MYO6: variants seen among roughly 807,000 people sequenced by gnomAD.
MYO6 encodes myosin VI, also known as unconventional myosin-VI.
Under a neutral mutation model 178.7 loss-of-function variants are expected in MYO6, and 74 were observed. The observed-to-expected ratio is 0.41, with a 90% CI of 0.34 to 0.50. The LOEUF (loss-of-function observed/expected upper bound fraction) is 0.50. Ranked by LOEUF, MYO6 falls within the 20% of genes least tolerant of loss-of-function variation. The pLI is 0.09. For synonymous variants in MYO6, 477 were observed against 504.6 expected, an observed-to-expected ratio of 0.95 and a Z score of 0.73; for missense variants, 1,330 against 1,547.4, an observed-to-expected ratio of 0.86 and a Z score of 2.36.
At chr6:75,874,344 C>T (rs1346602324) in intron 20 of MYO6, among the ~76,000 whole-genome samples, 2 of 152,168 alleles carry the variant, frequency 1.3e-5, no homozygotes, top group Admixed American at 6.5e-5. Flanking sequence ...TTAAATTCAT[C>T]GTCATTATCT....
In MYO6 at chr6:75,750,610, T is replaced by A. The variant is rs560525043; in HGVS notation, c.-48+1187T>A. On this transcript the variant is annotated intron_variant, in intron 1 of 34. Coordinates refer to ENST00000369977, the MANE Select transcript of MYO6 (RefSeq NM_004999.4). ...AGTCAGAACTTGAGAGTTTTAAAAA[T>A]TAACTTTTTTTTTTTTGAGACAGAG... Among the ~76,000 whole-genome samples the A allele has an allele frequency of 2.5e-3, 376 of 151,376 alleles. 2 individuals are homozygous for A. The highest frequency in any genetic ancestry group is 8.6e-3 in the African/African-American group (356 of 41,258).
At chr6:75,815,747 A>G (rs1055351525) in intron 1 of MYO6, among the ~76,000 whole-genome samples, 1 of 152,232 alleles carries the variant, frequency 6.6e-6, no homozygotes, top group Non-Finnish European at 1.5e-5. Context: ...CTGTATGCCA[A>G]ACGTCCTTGA....
chr6:75,898,008 G>T (rs1189586980), intron 29 of MYO6, among the ~76,000 whole-genome samples: 1 of 152,122 alleles, frequency 6.6e-6, no homozygotes, highest in African/African-American at 2.4e-5. Flanking sequence ...AGCAACTCTG[G>T]TGCAAAAATC....
chr6:75,865,457 G>A (rs1251758689), intron 16 of MYO6: 2 of 138,236 alleles, frequency 1.4e-5, no homozygotes, highest in South Asian at 2.4e-4. Flanking sequence ...TCTGCCTCCC[G>A]GGCTCAAACC....
chr6:75,794,307 T>C (rs903572018), intron 1 of MYO6, among the ~76,000 whole-genome samples: 3 of 152,102 alleles, frequency 2.0e-5, no homozygotes, highest in African/African-American at 7.2e-5. Context: ...GCTTCCAGAC[T>C]AAACATGTTC....
At chr6:75,802,204 C>T (rs866471361) in intron 1 of MYO6, among the ~76,000 whole-genome samples, 6 of 151,970 alleles carry the variant, frequency 3.9e-5, no homozygotes, top group Admixed American at 2.0e-4. Context: ...CATGGTGGCT[C>T]GTGCCTGTAA....
At chr6:75,764,484 C>T (rs1053501843) in intron 1 of MYO6, among the ~76,000 whole-genome samples, 2 of 152,138 alleles carry the variant, frequency 1.3e-5, no homozygotes, top group African/African-American at 4.8e-5. Flanking sequence ...TGGAATTACA[C>T]TGGTATTATA....
At chr6:75,844,119 C>G (rs12210386) in intron 9 of MYO6, among the ~76,000 whole-genome samples, 7 of 151,876 alleles carry the variant, frequency 4.6e-5, no homozygotes, top group African/African-American at 1.7e-4. Context: ...TTTAGTCTAC[C>G]GTATAGCAAA....
At chr6:75,757,623 GC>G (rs1777574726) in intron 1 of MYO6, among the ~76,000 whole-genome samples, 1 of 151,878 alleles carries the variant, frequency 6.6e-6, no homozygotes, top group Non-Finnish European at 1.5e-5. Context: ...TTCCAGAGTT[GC>G]GTTTAAGCAC....
chr6:75,787,896 ACTAC>A (rs1334878330), intron 1 of MYO6, among the ~76,000 whole-genome samples: 1 of 149,780 alleles, frequency 6.7e-6, no homozygotes, highest in Non-Finnish European at 1.5e-5. Flanking sequence ...AGTAGCTGGG[ACTAC>A]AGGTATGCAC....
chr6:75,807,172 C>G (rs1364311699), intron 1 of MYO6, among the ~76,000 whole-genome samples: 7 of 152,168 alleles, frequency 4.6e-5, no homozygotes, highest in Admixed American at 3.9e-4. Context: ...TTACTTACTG[C>G]TTTGAGTGTT....
Position 75,844,006 on chromosome 6 carries a change from A to C in MYO6, c.817-891A>C, listed in dbSNP as rs574064333. 2.1e-4 allele frequency among the ~76,000 whole-genome samples: 32 copies of C among 152,286 alleles called. 1 individual carries two copies. In the South Asian group the frequency reaches 6.6e-3, roughly 32 times the overall value. On this transcript the variant is annotated intron_variant, in intron 9 of 34. Transcript: ENST00000369977. ...AAGAGAAGCTGAGATGTTTAAAAAA[A>C]CTTGTCCATCCTGTTCTCTGTGTAC...
chr6:75,793,797 A>G (rs1355093117), intron 1 of MYO6, among the ~76,000 whole-genome samples: 1 of 152,212 alleles, frequency 6.6e-6, no homozygotes, highest in Non-Finnish European at 1.5e-5. Context: ...CTTCTGAAAC[A>G]TCATTAGAAT....
At position 75,914,965 on chromosome 6, in the gene MYO6, G is replaced by T. The variant is rs200548566; in HGVS notation, c.3811G>T (p.Ala1271Ser). Residue 1271 changes from alanine to serine, a missense_variant, in exon 35 of 35, where the codon GCT (alanine) becomes TCT (serine). Transcript: ENST00000369977. ...YLQNAIESRQ[A>S]RPTYATAMLQ... ...TCAGAATGCGATTGAGAGCAGACAG[G>T]CTCGGCCCACCTATGCAACAGCCAT... is the stretch of plus-strand genomic sequence containing the variant. The T allele has an allele frequency of 6.2e-7, 1 of 1,613,860 alleles. No homozygotes were observed. Among genetic ancestry groups the T allele is most frequent in the African/African-American group, 1.3e-5 (1 of 75,040 alleles).
At chr6:75,896,619 T>C (rs1779331384) in intron 29 of MYO6, among the ~76,000 whole-genome samples, 1 of 152,214 alleles carries the variant, frequency 6.6e-6, no homozygotes, top group Non-Finnish European at 1.5e-5. Context: ...AAAATATGTG[T>C]TTGTATGTGT....
rs765665616 is a variant in MYO6 at position 75,916,905 on chromosome 6, G to C, written c.*1893G>C. On this transcript the variant is annotated 3_prime_UTR_variant, in exon 35 of 35. Transcript: ENST00000369977. The stretch of plus-strand genomic sequence containing the variant: ...AAGTCCTTAGTTTTTGACTCTAATA[G>C]TTAATACAATTATAGTTAATCTTAA... The C allele has an allele frequency of 1.3e-5, 2 of 152,172 alleles. No individual in the cohort carries two copies. Among genetic ancestry groups the C allele is most frequent in the Admixed American group, 6.5e-5 (1 of 15,276 alleles). 9.4% of individuals were successfully genotyped at this position (152,172 alleles called of 1,614,324 possible). A position where few individuals can be genotyped will look rare whatever the true frequency, so the allele number is the denominator to read the frequency against.
rs200067699 is a variant in MYO6 at position 75,774,801 on chromosome 6, A to AT, written c.-48+25389dup. Reference sequence around the variant, plus strand: ...AGAAATTATTATTATTATTATTACTATTTTTTTTTTTGACGGAGTCTCACT... The same window carrying AT: ...AGAAATTATTATTATTATTATTACTATTTTTTTTTTTTGACGGAGTCTCACT... On this transcript the variant is annotated intron_variant, in intron 1 of 34. Transcript: ENST00000369977. Among the ~76,000 whole-genome samples, 236 of 146,558 alleles carry AT rather than the reference A, an allele frequency of 1.6e-3. 1 individual carries two copies. The highest frequency in any genetic ancestry group is 0.014 in the South Asian group (65 of 4,624).
intron 23 of MYO6, 26 bp downstream of exon 23, chr6:75,881,844 G>A: frequency 6.2e-7 from 1 of 1,611,752 alleles, no homozygotes. Context: ...TACACCTATA[G>A]GATCTTTCAT....
intron 3 of MYO6, among the ~76,000 whole-genome samples, chr6:75,827,161 G>C (rs556106467): frequency 6.6e-6 from 1 of 152,280 alleles, no homozygotes; most frequent in South Asian, 2.1e-4. Context: ...AACCAGATAT[G>C]TAAAATTATC....
Sources: allele counts gnomAD v4.1 joint callset (sites outside exome capture counted in the v4.1 genomes callset), GRCh38; gene constraint gnomAD v4.1.1; transcripts MANE v1.5; gene names NCBI Gene and HGNC (gene_info 2026-07-23, HGNC 2026-07-21).